SDK1: variants seen among roughly 807,000 people sequenced by gnomAD.
The protein encoded by SDK1 is protein sidekick-1.
A neutral mutation model predicts 245.5 loss-of-function variants in SDK1; 157 were observed. The ratio of observed to expected loss-of-function variants is 0.64; its 90% confidence interval spans 0.56 to 0.73. SDK1 has a LOEUF of 0.73. Among genes scored for constraint, SDK1 ranks in the 30% least tolerant of loss-of-function variants. The pLI, the probability that SDK1 is intolerant of heterozygous loss-of-function variation, is 0.00. For synonymous variants in SDK1, 1,647 were observed against 1,278.5 expected (o/e 1.29, Z -6.15); for missense variants, 3,583 against 3,002.3 (o/e 1.19, Z -4.52).
intron 28 of SDK1, among the ~76,000 whole-genome samples, chr7:4,138,421 G>T (rs557939965): frequency 2.0e-5 from 3 of 152,130 alleles, no homozygotes; most frequent in African/African-American, 4.8e-5. Flanking sequence ...GTGGAAATCC[G>T]GGTTTGTTGA....
chr7:4,006,095 T>A (rs537053843), intron 14 of SDK1, among the ~76,000 whole-genome samples: 1 of 152,286 alleles, frequency 6.6e-6, no homozygotes, highest in South Asian at 2.1e-4. Flanking sequence ...ATACCTTCTT[T>A]CAAAAAACAT....
intron 4 of SDK1, among the ~76,000 whole-genome samples, chr7:3,768,839 T>G (rs879345637): frequency 6.6e-6 from 1 of 152,206 alleles, no homozygotes; most frequent in Non-Finnish European, 1.5e-5. Flanking sequence ...AATTGTCATT[T>G]TCCATTCAGT....
At chr7:4,042,161 AAACT>A (rs1788685052) in intron 17 of SDK1, among the ~76,000 whole-genome samples, 1 of 135,770 alleles carries the variant, frequency 7.4e-6, no homozygotes, top group African/African-American at 3.4e-5. Flanking sequence ...ATGGCTACAA[AAACT>A]AACAGATATC....
At chr7:3,917,768 C>T in intron 5 of SDK1, among the ~76,000 whole-genome samples, 1 of 152,102 alleles carries the variant, frequency 6.6e-6, no homozygotes, top group Non-Finnish European at 1.5e-5. Context: ...TTCTGACAGG[C>T]TTCTCTCCTG....
At chr7:3,349,635 G>A (rs1044913634) in intron 1 of SDK1, among the ~76,000 whole-genome samples, 9 of 152,104 alleles carry the variant, frequency 5.9e-5, no homozygotes, top group East Asian at 3.9e-4. Context: ...AGTCTGGCTC[G>A]GTCGCCCAGG....
At chr7:3,698,274 C>T (rs1784633369) in intron 4 of SDK1, among the ~76,000 whole-genome samples, 1 of 152,172 alleles carries the variant, frequency 6.6e-6, no homozygotes, top group South Asian at 2.1e-4. Context: ...CAGCGTGACC[C>T]CCATCAGAAT....
intron 5 of SDK1, among the ~76,000 whole-genome samples, chr7:3,831,745 T>C (rs1437381266): frequency 6.6e-6 from 1 of 151,802 alleles, no homozygotes; most frequent in African/African-American, 2.4e-5. Flanking sequence ...TATGTAAATA[T>C]CGTATCTCAT....
chr7:3,513,177 G>C (rs192110877), intron 1 of SDK1, among the ~76,000 whole-genome samples: 2 of 152,284 alleles, frequency 1.3e-5, no homozygotes, highest in Admixed American at 1.3e-4. Flanking sequence ...ACTAGATTTA[G>C]TCTTTCAGAT....
At chr7:3,568,543 G>C (rs925583341) in intron 1 of SDK1, among the ~76,000 whole-genome samples, 2 of 151,998 alleles carry the variant, frequency 1.3e-5, no homozygotes, top group Non-Finnish European at 2.9e-5. Flanking sequence ...CTTCCCCCTT[G>C]GTATCATTTG....
chr7:3,469,205 T>A (rs1019066308), intron 1 of SDK1, among the ~76,000 whole-genome samples: 4 of 152,128 alleles, frequency 2.6e-5, no homozygotes, highest in African/African-American at 9.7e-5. Context: ...GGAGAATTGC[T>A]TCAAGCCAGA....
intron 33 of SDK1, among the ~76,000 whole-genome samples, chr7:4,174,958 A>G (rs892229953): frequency 2.6e-5 from 4 of 152,218 alleles, no homozygotes; most frequent in Admixed American, 2.6e-4. Context: ...CGGTGTCACA[A>G]AAATACTCTT....
At chr7:3,377,642 C>T (rs930863867) in intron 1 of SDK1, among the ~76,000 whole-genome samples, 6 of 152,122 alleles carry the variant, frequency 3.9e-5, no homozygotes, top group African/African-American at 7.2e-5. Flanking sequence ...CCCTAATGTC[C>T]ACACCTGAAG....
At chr7:4,039,303 A>G (rs903238304) in intron 17 of SDK1, among the ~76,000 whole-genome samples, 1 of 95,262 alleles carries the variant, frequency 1.0e-5, no homozygotes, top group East Asian at 2.0e-4. Context: ...AAAGTATAAT[A>G]AAAAAAAAAG....
Position 4,237,531 on chromosome 7 carries a change from A to G in SDK1, c.5993-116A>G, listed in dbSNP as rs1352740663. On this transcript the variant is annotated intron_variant, in intron 41 of 44. Transcript: ENST00000404826. ...CCCGGCTGGACATTGGTTTCATCTC[A>G]CCTGTAACTGGGAGTTATCTACCCC... 10 of 1,180,094 alleles carry G rather than the reference A, an allele frequency of 8.5e-6. No individual in the cohort carries two copies. In the Admixed American group the frequency reaches 1.7e-4, roughly 20 times the overall value. The allele number at this position is 1,180,094 out of a possible 1,614,324, so 73.1% of individuals were successfully genotyped here.
chr7:3,628,832 A>T (rs1782196478), intron 2 of SDK1, among the ~76,000 whole-genome samples: 1 of 152,206 alleles, frequency 6.6e-6, no homozygotes, highest in African/African-American at 2.4e-5. Context: ...AAGACAAACA[A>T]GGTGAGCCCT....
chr7:4,175,873 G>A (rs367602467), intron 34 of SDK1, 39 bp downstream of exon 34: 27 of 1,571,112 alleles, frequency 1.7e-5, no homozygotes, highest in African/African-American at 1.1e-4. Flanking sequence ...GCCGCGAGGC[G>A]CACACACTGT....
chr7:3,585,339 A>G (rs924493367), intron 1 of SDK1, among the ~76,000 whole-genome samples: 1 of 152,232 alleles, frequency 6.6e-6, no homozygotes, highest in African/African-American at 2.4e-5. Context: ...TGATGAAGTG[A>G]ATCAGAACTT....
At chr7:3,697,417 C>T (rs185631445) in intron 4 of SDK1, among the ~76,000 whole-genome samples, 62 of 152,302 alleles carry the variant, frequency 4.1e-4, no homozygotes, top group African/African-American at 1.1e-3. Flanking sequence ...AATTGAGTGA[C>T]GTTTAGCTAG....
At chr7:4,132,479 T>G in intron 28 of SDK1, 56 bp downstream of exon 28, 2 of 1,242,004 alleles carry the variant, frequency 1.6e-6, no homozygotes, top group South Asian at 1.3e-5. Flanking sequence ...CCCAGCACCT[T>G]GGGAGACCGA....
Sources: allele counts gnomAD v4.1 joint callset (sites outside exome capture counted in the v4.1 genomes callset), GRCh38; gene constraint gnomAD v4.1.1; transcripts MANE v1.5; gene names NCBI Gene and HGNC (gene_info 2026-07-23, HGNC 2026-07-21).